The following DHX57 variants were observed in gnomAD, a reference collection of about 807,000 sequenced individuals.
The protein encoded by DHX57 is putative ATP-dependent RNA helicase DHX57.
In DHX57, 105 loss-of-function variants were observed where a neutral mutation model predicts 156.2. The observed-to-expected ratio is 0.67, with a 90% CI of 0.57 to 0.79. DHX57 has a LOEUF of 0.79. Ranked by LOEUF, DHX57 falls within the 30% of genes least tolerant of loss-of-function variation. The probability of loss-of-function intolerance (pLI) is 0.00; values close to 1 mark genes in which losing one functional copy is unlikely to be tolerated. For synonymous variants in DHX57, 704 were observed against 595.6 expected (o/e 1.18, Z -2.65); for missense variants, 1,847 against 1,661.9 (o/e 1.11, Z -1.94).
At chr2:38,827,612 T>A (rs1275275960) in intron 14 of DHX57, among the ~76,000 whole-genome samples, 2 of 147,652 alleles carry the variant, frequency 1.4e-5, no homozygotes, top group Admixed American at 1.4e-4. Context: ...ATGACAATGA[T>A]GTAACCTCAG....
intron 13 of DHX57, among the ~76,000 whole-genome samples, chr2:38,836,589 C>T (rs1477965020): frequency 6.6e-6 from 1 of 151,992 alleles, no homozygotes; most frequent in Non-Finnish European, 1.5e-5. Flanking sequence ...GACTGGCCAA[C>T]ATGGCAAAAC....
At chr2:38,859,287 T>C (rs755294342) in intron 5 of DHX57, among the ~76,000 whole-genome samples, 2 of 152,126 alleles carry the variant, frequency 1.3e-5, no homozygotes, top group Non-Finnish European at 2.9e-5. Context: ...AAAAGCTGCA[T>C]ATTGTGTAAT....
intron 23 of DHX57, among the ~76,000 whole-genome samples, chr2:38,802,186 C>G (rs1669713844): frequency 6.6e-6 from 1 of 152,150 alleles, no homozygotes; most frequent in Admixed American, 6.6e-5. Flanking sequence ...CCGTACCAGA[C>G]TTCCCCTCAC....
intron 15 of DHX57, 57 bp downstream of exon 15, chr2:38,826,459 G>A: frequency 5.1e-6 from 8 of 1,571,024 alleles, no homozygotes; most frequent in Non-Finnish European, 6.9e-6. Context: ...TAACAACGGT[G>A]TCTCCCTAAA....
chr2:38,863,447 C>G lies in DHX57; in HGVS notation c.297G>C (p.Gln99His), dbSNP rs368279359. The G allele has an allele frequency of 6.4e-5, 104 of 1,613,990 alleles. No individual in the cohort carries two copies. The highest frequency in any genetic ancestry group is 8.6e-5 in the Non-Finnish European group (101 of 1,180,026). Residue 99 changes from glutamine (Q) to histidine (H), a missense_variant, in exon 3 of 24, where the codon CAG (glutamine) becomes CAC (histidine). Transcript: ENST00000457308. The stretch of plus-strand genomic sequence containing the variant: ...GATTCTCAGAAGTCATATGTAGAGT[C>G]TGAAGGGGTACTTTGGCTTTGGGTT... Reference protein sequence around the residue: ...KWKPKAKVPLQTLHMTSENQE... With the variant: ...KWKPKAKVPLHTLHMTSENQE...
chr2:38,854,956 G>A (rs1432565572), intron 8 of DHX57, 101 bp downstream of exon 8: 1 of 1,080,378 alleles, frequency 9.3e-7, no homozygotes, highest in African/African-American at 1.6e-5. Flanking sequence ...TAACCTGAAA[G>A]TATATATCCC....
rs187578222 is a variant in DHX57 at position 38,812,325 on chromosome 2, G to A, written c.3681+1496C>T. On this transcript the variant is annotated intron_variant, in intron 21 of 23. Coordinates refer to ENST00000457308, the MANE Select transcript of DHX57 (RefSeq NM_198963.3). ...CATACAAATGCTAAGCAGAAAATGA[G>A]CCATAAATCAGTCAGATGTTAACTG... 1.2e-3 allele frequency among the ~76,000 whole-genome samples: 186 copies of A among 152,194 alleles called. 1 individual carries two copies. The highest frequency in any genetic ancestry group is 4.4e-3 in the African/African-American group (183 of 41,508).
intron 21 of DHX57, among the ~76,000 whole-genome samples, chr2:38,808,554 T>C (rs1670075555): frequency 6.6e-6 from 1 of 152,166 alleles, no homozygotes; most frequent in South Asian, 2.1e-4. Context: ...TTTTTTCAAA[T>C]TTAGATTGTC....
rs768628631 is a variant in DHX57 at position 38,843,178 on chromosome 2, C to A, written c.2252G>T (p.Arg751Leu). The part of the protein sequence containing the change: ...YVLQDGSPYM[R>L]SMKQISKEKL... ...TTCCTTTGAAATCTGTTTCATGGAC[C>A]GCATATATGGGCTCCCATCCTGTAA... is the stretch of plus-strand genomic sequence containing the variant. Residue 751 changes from arginine to leucine, a missense_variant, in exon 12 of 24, where the codon CGG becomes CTG. Physicochemically the swap from Arg to Leu is moderately radical, Grantham distance 102. Coordinates refer to ENST00000457308, the MANE Select transcript of DHX57 (RefSeq NM_198963.3). 6.2e-6 allele frequency: 10 copies of A among 1,614,050 alleles called. No homozygotes were observed. Among genetic ancestry groups the A allele is most frequent in the Non-Finnish European group, 8.5e-6 (10 of 1,180,022 alleles).
At chr2:38,805,110 G>A (rs911557236) in intron 22 of DHX57, among the ~76,000 whole-genome samples, 1 of 152,144 alleles carries the variant, frequency 6.6e-6, no homozygotes, top group Non-Finnish European at 1.5e-5. Flanking sequence ...CAAAAGAGGA[G>A]TAGTTCTTTC....
intron 2 of DHX57, among the ~76,000 whole-genome samples, chr2:38,867,515 C>G (rs1665141513): frequency 6.6e-6 from 1 of 152,162 alleles, no homozygotes; most frequent in Admixed American, 6.6e-5. Context: ...ATACACAGCT[C>G]ATCAACTAGA....
chr2:38,826,031 C>T lies in DHX57; in HGVS notation c.2830G>A (p.Gly944Arg). 1 of 1,614,000 alleles carries T rather than the reference C, an allele frequency of 6.2e-7. No homozygotes were observed. The highest frequency in any genetic ancestry group is 8.5e-7 in the Non-Finnish European group (1 of 1,179,906). The change falls in exon 16 of 24, where the codon GGG becomes AGG. Residue 944 changes from glycine (G) to arginine (R), a missense_variant. Transcript: ENST00000457308. The stretch of plus-strand genomic sequence containing the variant: ...AAGGTGTCCTCTAGACTTTCCATCC[C>T]TTTGCTGGCATCATATCTATAAAGA... Reference protein sequence around the residue: ...MKEKRYDASKGMESLEDTFVS... With the variant: ...MKEKRYDASKRMESLEDTFVS...
Position 38,854,117 on chromosome 2 carries a change from T to G in DHX57, c.1967A>C (p.Asp656Ala). ...ATGGGAAACTCCTTGTAGAGCTGTA[T>G]CTCCTTCTAGCCTTCTCAGCAGCAC... Reference protein sequence around the residue: ...TGVLLRRLEGDTALQGVSHII... With the variant: ...TGVLLRRLEGATALQGVSHII... The change falls in exon 9 of 24, where the codon GAT (aspartate) becomes GCT (alanine). Residue 656 changes from aspartate to alanine, a missense_variant. Coordinates refer to ENST00000457308, the MANE Select transcript of DHX57 (RefSeq NM_198963.3). 6.2e-7 allele frequency: 1 copy of G among 1,614,086 alleles called. No individual in the cohort carries two copies.
rs1200509816 is a variant in DHX57, at chr2:38,825,733, T to C, written c.3014+114A>G. 9.9e-6 allele frequency: 10 copies of C among 1,006,266 alleles called. No individual in the cohort carries two copies. The Admixed American group carries it at 1.1e-4, about 11-fold the overall frequency. The allele number at this position is 1,006,266 out of a possible 1,614,324, so 62.3% of individuals were successfully genotyped here. ...CTTTCTTCACAAATAAATGAGATTA[T>C]TGGTGGTCATTCTTAGCCAAATATC... On this transcript the variant is annotated intron_variant, in intron 16 of 23. Transcript: ENST00000457308.
At chr2:38,829,547 G>T (rs146382545) in intron 13 of DHX57, among the ~76,000 whole-genome samples, 1 of 152,170 alleles carries the variant, frequency 6.6e-6, no homozygotes, top group Non-Finnish European at 1.5e-5. Flanking sequence ...TGGGATTACA[G>T]GCATGAGCCA....
chr2:38,828,550 T>C, intron 13 of DHX57, 114 bp from the exon 14 acceptor site: 2 of 690,996 alleles, frequency 2.9e-6, no homozygotes, highest in Non-Finnish European at 4.5e-6. Context: ...CTAATATAGA[T>C]TATAAAGCTG....
At position 38,856,372 on chromosome 2, in the gene DHX57, C is replaced by T; in HGVS notation, c.1677G>A (p.Lys559=). 1 of 1,613,078 alleles carries T rather than the reference C, an allele frequency of 6.2e-7. No individual in the cohort carries two copies. The highest frequency in any genetic ancestry group is 2.2e-5 in the East Asian group (1 of 44,876). ...ERETILNLLR[K]HQVVVISGMT... ...TACCACTTATGACAACCACCTGGTG[C>T]TTACGCAATAAGTTAAGAATGGTTT... is the stretch of plus-strand genomic sequence containing the variant. Residue 559 remains lysine, a synonymous_variant, in exon 7 of 24, where the codon AAG becomes AAA. Coordinates refer to ENST00000457308, the MANE Select transcript of DHX57 (RefSeq NM_198963.3).
chr2:38,864,565 TCTC>T (rs1664954492), intron 2 of DHX57, among the ~76,000 whole-genome samples: 1 of 152,110 alleles, frequency 6.6e-6, no homozygotes, highest in Non-Finnish European at 1.5e-5. Flanking sequence ...ATCTCTTTAA[TCTC>T]CTCAAGGAAA....
At chr2:38,799,914 G>A (rs200959062) in intron 23 of DHX57, among the ~76,000 whole-genome samples, 1 of 151,236 alleles carries the variant, frequency 6.6e-6, no homozygotes, top group East Asian at 1.9e-4. Flanking sequence ...TTAGCCTGGC[G>A]CGGTGGCTCA....
Sources: gnomAD v4.1 joint callset for allele counts (sites outside exome capture counted in the v4.1 genomes callset) on GRCh38, gnomAD v4.1.1 for gene constraint, MANE v1.5 for transcripts, NCBI Gene and HGNC (gene_info 2026-07-23, HGNC 2026-07-21) for gene names.